The following TPRG1 variants were observed in gnomAD, a reference collection of about 807,000 sequenced individuals.
The protein encoded by TPRG1 is tumor protein p63-regulated gene 1 protein.
TPRG1 carries 29 observed loss-of-function variants against 29.3 expected under a neutral mutation model. The ratio of observed to expected loss-of-function variants is 0.99; its 90% CI spans 0.74 to 1.35. TPRG1 has a LOEUF of 1.35. TPRG1 is among the 40% of genes most tolerant of loss of function. The pLI is 0.00. For synonymous variants in TPRG1, 130 were observed against 116.8 expected (o/e 1.11, Z -0.73); for missense variants, 327 against 335.0 (o/e 0.98, Z 0.19).
intron 4 of TPRG1, among the ~76,000 whole-genome samples, chr3:189,085,078 C>T (rs146265774): frequency 2.6e-5 from 4 of 152,224 alleles, no homozygotes; most frequent in African/African-American, 4.8e-5. Context: ...AATGAGGACA[C>T]GTAGATTGAG....
intron 4 of TPRG1, among the ~76,000 whole-genome samples, chr3:189,271,785 T>A (rs902186089): frequency 6.6e-6 from 1 of 152,210 alleles, no homozygotes; most frequent in African/African-American, 2.4e-5. Flanking sequence ...GGGAAAAGCA[T>A]GTGCTTGGGA....
At chr3:189,085,960 G>T (rs1717907787) in intron 4 of TPRG1, among the ~76,000 whole-genome samples, 1 of 152,140 alleles carries the variant, frequency 6.6e-6, no homozygotes, top group Non-Finnish European at 1.5e-5. Context: ...ATATATGAAA[G>T]GGAATTTATT....
intron 4 of TPRG1, among the ~76,000 whole-genome samples, chr3:189,076,439 T>C (rs1336394258): frequency 6.6e-6 from 1 of 152,176 alleles, no homozygotes; most frequent in South Asian, 2.1e-4. Context: ...GATCTGTAAG[T>C]GCACCTTTAG....
chr3:189,040,492 C>T (rs1469439173), intron 4 of TPRG1, among the ~76,000 whole-genome samples: 1 of 151,912 alleles, frequency 6.6e-6, no homozygotes, highest in African/African-American at 2.4e-5. Context: ...TCTGTCTTCT[C>T]TTGCTCTCAA....
intron 3 of TPRG1, among the ~76,000 whole-genome samples, chr3:189,223,960 G>C (rs1362671811): frequency 2.0e-5 from 3 of 152,072 alleles, no homozygotes; most frequent in Non-Finnish European, 4.4e-5. Context: ...CCTAAGTGAT[G>C]AAAGTACAGG....
chr3:189,272,657 C>T (rs1576918308), intron 4 of TPRG1, among the ~76,000 whole-genome samples: 2 of 150,964 alleles, frequency 1.3e-5, no homozygotes, highest in Non-Finnish European at 2.9e-5. Context: ...TTCCTTCCTT[C>T]GTTTCTTTCT....
At chr3:189,312,832 G>A (rs888583266) in intron 5 of TPRG1, among the ~76,000 whole-genome samples, 3 of 152,090 alleles carry the variant, frequency 2.0e-5, no homozygotes, top group Non-Finnish European at 4.4e-5. Context: ...TTTTGCCCTA[G>A]CCTTCCCAGT....
chr3:189,242,011 G>A (rs1308305172), intron 4 of TPRG1, among the ~76,000 whole-genome samples: 1 of 151,972 alleles, frequency 6.6e-6, no homozygotes, highest in East Asian at 1.9e-4. Flanking sequence ...TTTGAGAAAA[G>A]CTTTCTCCAT....
chr3:189,245,351 A>C (rs1441903172), intron 4 of TPRG1, among the ~76,000 whole-genome samples: 1 of 152,020 alleles, frequency 6.6e-6, no homozygotes, highest in Non-Finnish European at 1.5e-5. Flanking sequence ...TACAGTTATA[A>C]ATTTCCTTTT....
At chr3:189,063,503 A>T (rs1170921425) in intron 4 of TPRG1, among the ~76,000 whole-genome samples, 1 of 152,136 alleles carries the variant, frequency 6.6e-6, no homozygotes, top group Non-Finnish European at 1.5e-5. Flanking sequence ...TATATATTCC[A>T]TATTCTGAGC....
chr3:189,211,554 G>A (rs1188754829), intron 2 of TPRG1: 4 of 152,268 alleles, frequency 2.6e-5, no homozygotes, highest in African/African-American at 9.6e-5. Flanking sequence ...TATTCTTTAT[G>A]GGTCACTCTG....
At chr3:189,215,483 G>A in intron 3 of TPRG1, 100 bp downstream of exon 3, 1 of 983,940 alleles carries the variant, frequency 1.0e-6, no homozygotes, top group East Asian at 2.5e-5. Context: ...AATTTCTCTG[G>A]TTGCTACATA....
rs139863299 is a variant in TPRG1 at position 189,311,616 on chromosome 3, T to C, written c.633+1077T>C. Among the ~76,000 whole-genome samples the C allele has an allele frequency of 3.5e-4, 53 of 152,276 alleles. No homozygotes were observed. The East Asian group carries it at 5.2e-3, about 15-fold the overall frequency. ...GATGAAATGACCTCGAATCACATTA[T>C]TCTCCCATGAAAAGTCAATGTTCCT... On this transcript the variant is annotated intron_variant, in intron 5 of 5. Coordinates refer to ENST00000345063, the MANE Select transcript of TPRG1 (RefSeq NM_198485.4).
intron 1 of TPRG1, among the ~76,000 whole-genome samples, chr3:189,126,201 T>C (rs1722470565): frequency 6.6e-6 from 1 of 152,088 alleles, no homozygotes; most frequent in Admixed American, 6.5e-5. Context: ...CCAGGAAAAC[T>C]CTTTGTTCCA....
chr3:189,120,371 C>T (rs925436427), intron 1 of TPRG1: 5 of 152,166 alleles, frequency 3.3e-5, no homozygotes, highest in Non-Finnish European at 4.4e-5. Flanking sequence ...AGTGAATCCT[C>T]CCCACCTGCA....
intron 5 of TPRG1, among the ~76,000 whole-genome samples, chr3:189,165,556 T>C (rs1005897566): frequency 6.6e-6 from 1 of 151,976 alleles, no homozygotes; most frequent in Non-Finnish European, 1.5e-5. Context: ...TATGAGGTTC[T>C]CAGGCAGGTG....
chr3:189,099,589 G>C (rs1718943299), upstream of TPRG1, among the ~76,000 whole-genome samples: 7 of 152,094 alleles, frequency 4.6e-5, no homozygotes, highest in Admixed American at 4.6e-4. Flanking sequence ...TTTATGTGGT[G>C]GTGGGGGTGG....
intron 3 of TPRG1, among the ~76,000 whole-genome samples, chr3:189,147,392 C>T (rs1301440096): frequency 6.6e-6 from 1 of 152,186 alleles, no homozygotes; most frequent in Non-Finnish European, 1.5e-5. Context: ...GGCAGCCACC[C>T]CTCCCTGCTC....
intron 4 of TPRG1, among the ~76,000 whole-genome samples, chr3:189,033,620 C>A (rs1463400198): frequency 6.6e-6 from 1 of 151,360 alleles, no homozygotes; most frequent in Non-Finnish European, 1.5e-5. Flanking sequence ...CACTTTGTCA[C>A]CCAGGCTGGA....
Sources: gnomAD v4.1 joint callset for allele counts (sites outside exome capture counted in the v4.1 genomes callset) on GRCh38, gnomAD v4.1.1 for gene constraint, MANE v1.5 for transcripts, NCBI Gene and HGNC (gene_info 2026-07-23, HGNC 2026-07-21) for gene names.